TOP1: variants seen among roughly 807,000 people sequenced by gnomAD.
The protein encoded by TOP1 is DNA topoisomerase 1.
TOP1 carries 10 observed loss-of-function variants against 111.1 expected under a neutral mutation model. The ratio of observed to expected loss-of-function variants is 0.09; its 90% CI spans 0.06 to 0.15. TOP1 has a LOEUF of 0.15. TOP1 is among the 10% of genes least tolerant of loss of function. The pLI is 1.00. For synonymous variants in TOP1, 271 were observed against 302.9 expected, an observed-to-expected ratio of 0.89 and a Z score of 1.10; for missense variants, 474 against 926.7, an observed-to-expected ratio of 0.51 and a Z score of 6.34.
At position 41,039,601 on chromosome 20, in the gene TOP1, T is replaced by C. The variant is rs562978196; in HGVS notation, c.58+10146T>C. 2.2e-4 allele frequency among the ~76,000 whole-genome samples: 34 copies of C among 152,294 alleles called. 1 individual carries two copies. Among genetic ancestry groups the C allele is most frequent in the African/African-American group, 8.2e-4 (34 of 41,572 alleles). ...TTTTGTATCAGACATCCATGTTGCA[T>C]GAATTTTAGAAAAATAGTTTTCAGC... On this transcript the variant is annotated intron_variant, in intron 2 of 20. Coordinates refer to ENST00000361337, the MANE Select transcript of TOP1 (RefSeq NM_003286.4).
intron 14 of TOP1, 131 bp from the exon 15 acceptor site, chr20:41,113,839 C>T (rs1293117728): frequency 2.2e-5 from 14 of 645,316 alleles, no homozygotes; most frequent in South Asian, 5.5e-5. Context: ...GCCAAAATTG[C>T]GCCATTGCAC....
At chr20:41,063,701 A>AT (rs1431337536) in intron 3 of TOP1, among the ~76,000 whole-genome samples, 3 of 151,896 alleles carry the variant, frequency 2.0e-5, no homozygotes, top group Middle Eastern at 3.2e-3. Flanking sequence ...GACGTGGAGC[A>AT]TTTTTTCATA....
intron 9 of TOP1, among the ~76,000 whole-genome samples, chr20:41,096,625 C>T (rs1458509736): frequency 6.6e-6 from 1 of 152,170 alleles, no homozygotes; most frequent in East Asian, 1.9e-4. Flanking sequence ...GGTCTGTGAA[C>T]CACTTGTTGA....
intron 2 of TOP1, among the ~76,000 whole-genome samples, chr20:41,042,041 T>C (rs531720723): frequency 3.0e-4 from 46 of 152,222 alleles, no homozygotes; most frequent in Admixed American, 2.9e-3. Flanking sequence ...CCTGAGTACC[T>C]GGGATTACAG....
rs911512121 is a variant in TOP1 at position 41,083,123 on chromosome 20, A to C, written c.508-1339A>C. ...TTGTTCTGAGGTCTCTTAGTGACTG[A>C]CACCCCAATTTGAGGCTTGAAAACA... On this transcript the variant is annotated intron_variant, in intron 7 of 20. Transcript: ENST00000361337. The surrounding 1 kb of genome is among the most constrained non-coding windows in gnomAD (Gnocchi z 7.2). 1.3e-5 allele frequency among the ~76,000 whole-genome samples: 2 copies of C among 152,226 alleles called. No homozygotes were observed. The highest frequency in any genetic ancestry group is 4.8e-5 in the African/African-American group (2 of 41,544).
rs1024574321 is a variant in TOP1, at chr20:41,058,406, A to C, written c.59-2988A>C. Reference sequence around the variant, plus strand: ...TTACCATCTGTAGATTGCAGTCAGTATGTCAGCCAGGGCTGCAGTCATTTG... The same window carrying C: ...TTACCATCTGTAGATTGCAGTCAGTCTGTCAGCCAGGGCTGCAGTCATTTG... On this transcript the variant is annotated intron_variant, in intron 2 of 20. Coordinates refer to ENST00000361337, the MANE Select transcript of TOP1 (RefSeq NM_003286.4). This position sits in a 1 kb window ranked among gnomAD's most constrained non-coding sequence, Gnocchi z 4.2. Among the ~76,000 whole-genome samples, 1 of 152,240 alleles carries C rather than the reference A, an allele frequency of 6.6e-6. No homozygotes were observed. Among genetic ancestry groups the C allele is most frequent in the African/African-American group, 2.4e-5 (1 of 41,464 alleles).
intron 3 of TOP1, among the ~76,000 whole-genome samples, chr20:41,062,073 C>G (rs2033552148): frequency 6.6e-6 from 1 of 152,194 alleles, no homozygotes; most frequent in South Asian, 2.1e-4. Context: ...ATGCAAGCCT[C>G]AAGAAGATGT....
intron 8 of TOP1, among the ~76,000 whole-genome samples, chr20:41,089,613 C>T (rs1036130496): frequency 1.3e-5 from 2 of 152,174 alleles, no homozygotes; most frequent in African/African-American, 2.4e-5. Flanking sequence ...TGCTGTGAAA[C>T]ATTCGTGTAC....
intron 3 of TOP1, among the ~76,000 whole-genome samples, chr20:41,064,784 A>C (rs2033587196): frequency 6.6e-6 from 1 of 151,844 alleles, no homozygotes; most frequent in Non-Finnish European, 1.5e-5. Flanking sequence ...TGTAATAATT[A>C]TTATATTTAA....
chr20:41,124,049 T>A lies in TOP1; in HGVS notation c.*752T>A, dbSNP rs1192996084. On this transcript the variant is annotated 3_prime_UTR_variant, in exon 21 of 21. Transcript: ENST00000361337. This position sits in a 1 kb window ranked among gnomAD's most constrained non-coding sequence, Gnocchi z 5.4. ...GATGAAGGGCGAGTGAATCTAAGGA[T>A]AATGAAATAATCAGTGACTGAAACC... 8.6e-6 allele frequency: 2 copies of A among 233,216 alleles called. No homozygotes were observed. The highest frequency in any genetic ancestry group is 1.7e-5 in the Non-Finnish European group (2 of 117,852). 14.4% of individuals were successfully genotyped at this position (233,216 alleles called of 1,614,324 possible).
chr20:41,105,579 C>G (rs113634344), intron 13 of TOP1, among the ~76,000 whole-genome samples: 1 of 152,200 alleles, frequency 6.6e-6, no homozygotes, highest in East Asian at 1.9e-4. Context: ...CTCACTGTGA[C>G]CTCTGCCTCC....
intron 2 of TOP1, among the ~76,000 whole-genome samples, chr20:41,059,474 T>G (rs1284023305): frequency 6.6e-6 from 1 of 150,952 alleles, no homozygotes; most frequent in Non-Finnish European, 1.5e-5. Context: ...GTGGTGGTGA[T>G]ATGCCCTTGT....
chr20:41,086,571 C>T (rs1159996725), intron 8 of TOP1, among the ~76,000 whole-genome samples: 4 of 152,220 alleles, frequency 2.6e-5, no homozygotes, highest in African/African-American at 7.2e-5. Flanking sequence ...GGGATCCAGG[C>T]AAGTGCGCTG....
At chr20:41,096,703 G>A (rs2033987670) in intron 9 of TOP1, among the ~76,000 whole-genome samples, 1 of 152,094 alleles carries the variant, frequency 6.6e-6, no homozygotes, top group Non-Finnish European at 1.5e-5. Flanking sequence ...GCCTAGTATG[G>A]ATATATATTT....
In TOP1 at chr20:41,097,241, C is replaced by A. The variant is rs1398627297; in HGVS notation, c.752C>A (p.Pro251His). 6.2e-7 allele frequency: 1 copy of A among 1,613,810 alleles called. No individual in the cohort carries two copies. The highest frequency in any genetic ancestry group is 1.7e-5 in the Admixed American group (1 of 59,966). Reference protein sequence around the residue: ...YYDGKVMKLSPKAEEVATFFA... With the variant: ...YYDGKVMKLSHKAEEVATFFA... ...CTAGGTAAAGTCATGAAGCTGAGCC[C>A]CAAAGCAGAGGAAGTAGCTACGTTC... The change falls in exon 10 of 21, where the codon CCC (proline) becomes CAC (histidine). Residue 251 changes from proline to histidine, a missense_variant. By Grantham distance (77) the Pro-to-His change is moderately conservative. Around this residue, in one of 14 missense-constraint regions of TOP1, gnomAD observed 84 missense variants for 119.2 expected, o/e 0.70. Transcript: ENST00000361337. This position sits in a 1 kb window ranked among gnomAD's most constrained non-coding sequence, Gnocchi z 4.2.
chr20:41,123,359 C>A lies in TOP1; in HGVS notation c.*62C>A. 2 of 1,244,566 alleles carry A rather than the reference C, an allele frequency of 1.6e-6. No individual in the cohort carries two copies. Among genetic ancestry groups the A allele is most frequent in the Non-Finnish European group, 2.3e-6 (2 of 853,820 alleles). 77.1% of individuals were successfully genotyped at this position (1,244,566 alleles called of 1,614,324 possible). On this transcript the variant is annotated 3_prime_UTR_variant, in exon 21 of 21. Transcript: ENST00000361337. This position sits in a 1 kb window ranked among gnomAD's most constrained non-coding sequence, Gnocchi z 5.8. ...GTGTGGTTTGGGAAAGATGGATAAA[C>A]TGAGCCTCACTTGCCCTCGTGCCTG...
At position 41,118,275 on chromosome 20, in the gene TOP1, T is replaced by C; in HGVS notation, c.1929T>C (p.Ser643=). ...CACCACCAAAAACTTTTGAGAAGTCTATGATGAACTTGCAAACTAAGGTAT... is the reference window on the plus strand; with the variant it reads ...CACCACCAAAAACTTTTGAGAAGTCCATGATGAACTTGCAAACTAAGGTAT... ...QRAPPKTFEK[S]MMNLQTKIDA... Residue 643 remains serine (S), a synonymous_variant, in exon 18 of 21, where the codon TCT becomes TCC. Coordinates refer to ENST00000361337, the MANE Select transcript of TOP1 (RefSeq NM_003286.4). This position sits in a 1 kb window ranked among gnomAD's most constrained non-coding sequence, Gnocchi z 4.6. 6.2e-7 allele frequency: 1 copy of C among 1,614,166 alleles called. No individual in the cohort carries two copies. The highest frequency in any genetic ancestry group is 1.1e-5 in the South Asian group (1 of 91,084).
chr20:41,050,934 T>C (rs1416342042), intron 2 of TOP1, among the ~76,000 whole-genome samples: 2 of 152,200 alleles, frequency 1.3e-5, no homozygotes, highest in Non-Finnish European at 2.9e-5. Context: ...GGATGTGATA[T>C]GGGTTTGAAA....
At position 41,034,436 on chromosome 20, in the gene TOP1, C is replaced by A. The variant is rs1233949316; in HGVS notation, c.58+4981C>A. On this transcript the variant is annotated intron_variant, in intron 2 of 20. Transcript: ENST00000361337. This position sits in a 1 kb window ranked among gnomAD's most constrained non-coding sequence, Gnocchi z 4.0. ...CCCACCCTCCCTGCCACCTGCCTAT[C>A]TAGATGTGGACAGTATGTGCTGTGT... is the stretch of plus-strand genomic sequence containing the variant. Among the ~76,000 whole-genome samples, 3 of 152,104 alleles carry A rather than the reference C, an allele frequency of 2.0e-5. No individual in the cohort carries two copies. The highest frequency in any genetic ancestry group is 4.8e-5 in the African/African-American group (2 of 41,428).
Sources: gnomAD v4.1 joint callset for allele counts (sites outside exome capture counted in the v4.1 genomes callset) on GRCh38, gnomAD v4.1.1 for gene constraint, gnomAD v4.1.1 regional missense constraint, Gnocchi (gnomAD v3.1) non-coding constraint, MANE v1.5 for transcripts, NCBI Gene and HGNC (gene_info 2026-07-23, HGNC 2026-07-21) for gene names.